The following AGO2 variants were observed in gnomAD, a reference collection of about 807,000 sequenced individuals.
AGO2 encodes argonaute RISC catalytic component 2.
In AGO2, 5 loss-of-function variants were observed where a neutral mutation model predicts 102.3. The observed-to-expected ratio is 0.05, with a 90% CI of 0.03 to 0.10. The LOEUF is 0.10. AGO2 is among the 10% of genes least tolerant of loss of function. The pLI is 1.00. For synonymous variants in AGO2, 449 were observed against 473.1 expected (o/e 0.95, Z 0.66); for missense variants, 541 against 1,183.7 (o/e 0.46, Z 7.97).
intron 17 of AGO2, 114 bp downstream of exon 17, chr8:140,535,354 T>C: frequency 9.1e-7 from 1 of 1,094,802 alleles, no homozygotes; most frequent in Admixed American, 1.9e-5. Flanking sequence ...GTACTGCCTG[T>C]GTGGGCCCCT....
At chr8:140,535,322 GCCTGGGCTCCCCGGTTC>G in intron 17 of AGO2, 129 bp downstream of exon 17, 1 of 751,920 alleles carries the variant, frequency 1.3e-6, no homozygotes, top group Non-Finnish European at 2.2e-6. Context: ...GCCTGGCACA[GCCTGGGCTCCCCGGTTC>G]CCTGGTACTG....
chr8:140,532,994 C>T (rs1456387986), intron 17 of AGO2, among the ~76,000 whole-genome samples: 1 of 123,780 alleles, frequency 8.1e-6, no homozygotes, highest in East Asian at 2.9e-4. Flanking sequence ...AGAGACTCCT[C>T]TGTCTCAAAA....
intron 12 of AGO2, 36 bp downstream of exon 12, chr8:140,549,078 C>T (rs767669220): frequency 9.6e-6 from 15 of 1,563,756 alleles, no homozygotes; most frequent in Middle Eastern, 2.2e-4. Flanking sequence ...GAGACCACGA[C>T]GGCTCCCCAC....
At chr8:140,552,594 T>C (rs1351279212) in intron 10 of AGO2, among the ~76,000 whole-genome samples, 19 of 152,300 alleles carry the variant, frequency 1.2e-4, no homozygotes, top group East Asian at 1.9e-4. Flanking sequence ...TTTCCTATAT[T>C]TTTATAACTA....
chr8:140,624,324 G>C (rs756978984), intron 1 of AGO2, among the ~76,000 whole-genome samples: 1 of 152,218 alleles, frequency 6.6e-6, no homozygotes, highest in Non-Finnish European at 1.5e-5. Flanking sequence ...CCCATTTGTA[G>C]AAGTGGAGCC....
Position 140,532,596 on chromosome 8 carries a change from T to C in AGO2, c.2291A>G (p.His764Arg), listed in dbSNP as rs1468517652. Residue 764 changes from histidine (H) to arginine (R), a missense_variant, in exon 18 of 19, where the codon CAC becomes CGC. Physicochemically the swap from His to Arg is conservative, Grantham distance 29 (BLOSUM62 0). Coordinates refer to ENST00000220592, the MANE Select transcript of AGO2 (RefSeq NM_012154.5). ...ATTGTCGTCCCAGAGGACGTGATAG[T>C]GCGAAGGCCTGCTTGTCCCCTAAAG... is the stretch of plus-strand genomic sequence containing the variant. ...AGIQGTSRPS[H>R]YHVLWDDNRF... 1 of 1,614,266 alleles carries C rather than the reference T, an allele frequency of 6.2e-7. No homozygotes were observed. The highest frequency in any genetic ancestry group is 1.1e-5 in the South Asian group (1 of 91,090).
intron 1 of AGO2, among the ~76,000 whole-genome samples, chr8:140,623,645 C>G (rs2074241317): frequency 6.6e-6 from 1 of 152,096 alleles, no homozygotes; most frequent in Admixed American, 6.5e-5. Context: ...CCCTCCCGTG[C>G]ACACCTGTTA....
intron 3 of AGO2, among the ~76,000 whole-genome samples, chr8:140,563,451 G>C (rs2132948961): frequency 6.6e-6 from 1 of 152,260 alleles, no homozygotes; most frequent in Admixed American, 6.5e-5. Context: ...ACCTGTGCTG[G>C]TTTTGAACTC....
intron 1 of AGO2, among the ~76,000 whole-genome samples, chr8:140,598,527 C>T (rs1047527329): frequency 1.3e-5 from 2 of 152,222 alleles, no homozygotes; most frequent in Non-Finnish European, 2.9e-5. Context: ...GCGTACAAGC[C>T]CACGGTGCCG....
At position 140,526,552 on chromosome 8, in the gene AGO2, C is replaced by A. The variant is rs1350029155; in HGVS notation, c.*5492G>T. On this transcript the variant is annotated 3_prime_UTR_variant, in exon 19 of 19. Transcript: ENST00000220592. The surrounding 1 kb of genome is among the most constrained non-coding windows in gnomAD (Gnocchi z 5.2). ...CCAGAACTGAACAGATAGATGTTCA[C>A]AATTCAGTTTATTCAGGCAACATAT... 5.9e-5 allele frequency: 9 copies of A among 152,210 alleles called. No homozygotes were observed. Among genetic ancestry groups the A allele is most frequent in the Admixed American group, 5.9e-4 (9 of 15,286 alleles). The allele number at this position is 152,210 out of a possible 1,614,324, so 9.4% of individuals were successfully genotyped here. A position where few individuals can be genotyped will look rare whatever the true frequency, so the allele number is the denominator to read the frequency against.
intron 17 of AGO2, 132 bp from the exon 18 acceptor site, chr8:140,532,747 A>G: frequency 9.4e-7 from 1 of 1,065,796 alleles, no homozygotes; most frequent in Non-Finnish European, 1.3e-6. Context: ...CTGTAATCCC[A>G]GCACTTTGGG....
chr8:140,577,628 T>C (rs946464500), intron 2 of AGO2, among the ~76,000 whole-genome samples: 1 of 152,130 alleles, frequency 6.6e-6, no homozygotes, highest in African/African-American at 2.4e-5. Context: ...GCCATGGCGC[T>C]GGGGCAGGCA....
chr8:140,550,911 C>T (rs1564081023), intron 11 of AGO2, among the ~76,000 whole-genome samples: 1 of 152,230 alleles, frequency 6.6e-6, no homozygotes, highest in Non-Finnish European at 1.5e-5. Context: ...CTTCCTGATT[C>T]TGTCTTCATT....
intron 10 of AGO2, among the ~76,000 whole-genome samples, chr8:140,554,500 G>A (rs2073060626): frequency 6.6e-6 from 1 of 152,160 alleles, no homozygotes; most frequent in African/African-American, 2.4e-5. Context: ...AAACAGCGAG[G>A]CACAGAAATA....
In AGO2 at chr8:140,598,303, G is replaced by A. The variant is rs192577737; in HGVS notation, c.23-12992C>T. 4.9e-4 allele frequency among the ~76,000 whole-genome samples: 74 copies of A among 152,312 alleles called. 1 individual carries two copies. Among genetic ancestry groups the A allele is most frequent in the Admixed American group, 4.5e-3 (69 of 15,302 alleles). The stretch of plus-strand genomic sequence containing the variant: ...CACAGCACCAAAAAGAATTCTCTTC[G>A]GCAAAGGCAGCAGGACTCAACAGGA... On this transcript the variant is annotated intron_variant, in intron 1 of 18. Coordinates refer to ENST00000220592, the MANE Select transcript of AGO2 (RefSeq NM_012154.5).
intron 1 of AGO2, among the ~76,000 whole-genome samples, chr8:140,602,839 A>G (rs1211433596): frequency 6.6e-6 from 1 of 152,242 alleles, no homozygotes; most frequent in African/African-American, 2.4e-5. Context: ...AATCAAGCAG[A>G]CAAAATATCC....
chr8:140,588,420 A>ATG (rs34797775), intron 1 of AGO2, among the ~76,000 whole-genome samples: 1 of 151,806 alleles, frequency 6.6e-6, no homozygotes, highest in Non-Finnish European at 1.5e-5. Context: ...GTGTAATAGC[A>ATG]GTGTGTAAAT....
intron 3 of AGO2, among the ~76,000 whole-genome samples, chr8:140,571,502 G>C (rs1329885590): frequency 2.6e-5 from 4 of 152,196 alleles, no homozygotes; most frequent in Non-Finnish European, 5.9e-5. Flanking sequence ...TGTCTCAAAA[G>C]CAAAAGGAAG....
chr8:140,571,215 C>T (rs2073373205), intron 3 of AGO2, among the ~76,000 whole-genome samples: 1 of 152,152 alleles, frequency 6.6e-6, no homozygotes, highest in African/African-American at 2.4e-5. Context: ...TTATGCAGAG[C>T]CCTATATCGT....
Sources: allele counts gnomAD v4.1 joint callset (sites outside exome capture counted in the v4.1 genomes callset), GRCh38; gene constraint gnomAD v4.1.1; non-coding constraint Gnocchi (gnomAD v3.1); transcripts MANE v1.5; gene names NCBI Gene and HGNC (gene_info 2026-07-23, HGNC 2026-07-21).